Variants in CSMD1 observed in about 807,000 individuals in gnomAD.
CSMD1 encodes the protein CUB and sushi domain-containing protein 1.
Under a neutral mutation model 417.5 loss-of-function variants are expected in CSMD1, and 213 were observed. That is an observed-to-expected ratio of 0.51 (90% CI 0.46 to 0.57). CSMD1 has a LOEUF of 0.57. CSMD1 is among the 20% of genes least tolerant of loss of function. The pLI is 0.00. For missense variants in CSMD1, 6,923 were observed against 4,529.7 expected (o/e 1.53, Z -15.17); for synonymous variants, 2,862 against 1,736.8 (o/e 1.65, Z -16.11).
At chr8:3,724,296 C>A (rs4401889) in intron 6 of CSMD1, among the ~76,000 whole-genome samples, 103,983 of 151,506 alleles carry the variant, frequency 0.69, 36,990 homozygotes, top group South Asian at 0.82. Context: ...GTGCCGCACC[C>A]ACTAACTCGT....
Position 4,331,097 on chromosome 8 carries a change from A to G in CSMD1, c.415+88856T>C, listed in dbSNP as rs138355616. Among the ~76,000 whole-genome samples, 725 of 152,314 alleles carry G rather than the reference A, an allele frequency of 4.8e-3. 2 individuals carry two copies. The highest frequency in any genetic ancestry group is 0.013 in the South Asian group (61 of 4,826). ...CTTATTCTCCAATATGCAACTACAT[A>G]TAATAGCAAAATGAAAATATATTTC... On this transcript the variant is annotated intron_variant, in intron 3 of 69. Transcript: ENST00000635120.
intron 5 of CSMD1, among the ~76,000 whole-genome samples, chr8:3,820,124 A>G (rs902569863): frequency 5.3e-5 from 8 of 152,198 alleles, no homozygotes; most frequent in South Asian, 2.1e-4. Flanking sequence ...TGAATGCAGT[A>G]TGATCTTGAC....
intron 10 of CSMD1, among the ~76,000 whole-genome samples, chr8:3,527,064 C>T (rs1347942555): frequency 6.6e-6 from 1 of 151,968 alleles, no homozygotes; most frequent in Admixed American, 6.6e-5. Context: ...CGGGTCAGTG[C>T]CACGCTGCAA....
intron 3 of CSMD1, among the ~76,000 whole-genome samples, chr8:4,130,224 G>C (rs994164804): frequency 2.0e-5 from 3 of 152,012 alleles, no homozygotes; most frequent in South Asian, 2.1e-4. Flanking sequence ...CTTTCTTCTT[G>C]TCAGTCTAGT....
intron 30 of CSMD1, among the ~76,000 whole-genome samples, chr8:3,208,598 C>G (rs1312288900): frequency 1.3e-5 from 2 of 152,212 alleles, no homozygotes; most frequent in East Asian, 1.9e-4. Flanking sequence ...TGAATGTCAT[C>G]TTGATTGGAT....
chr8:4,993,506 G>A (rs918664067), intron 1 of CSMD1, among the ~76,000 whole-genome samples: 2 of 151,856 alleles, frequency 1.3e-5, no homozygotes, highest in African/African-American at 2.4e-5. Flanking sequence ...AGGCTACTTA[G>A]AAGAAAACAT....
At chr8:4,854,550 G>T (rs951090280) in intron 1 of CSMD1, among the ~76,000 whole-genome samples, 4 of 152,190 alleles carry the variant, frequency 2.6e-5, no homozygotes, top group Admixed American at 1.3e-4. Context: ...AGGTCAGTGG[G>T]TGCGCGCACC....
chr8:4,263,133 T>A (rs978042248), intron 3 of CSMD1, among the ~76,000 whole-genome samples: 16 of 152,150 alleles, frequency 1.1e-4, no homozygotes, highest in African/African-American at 3.9e-4. Flanking sequence ...TATCACTTAT[T>A]TTTTCAAAAA....
intron 5 of CSMD1, among the ~76,000 whole-genome samples, chr8:3,775,853 C>G (rs570628298): frequency 6.6e-6 from 1 of 152,188 alleles, no homozygotes; most frequent in Non-Finnish European, 1.5e-5. Context: ...TGTTACTGAC[C>G]TAGGATGGGT....
intron 18 of CSMD1, among the ~76,000 whole-genome samples, chr8:3,382,867 A>C (rs1215068724): frequency 6.6e-6 from 1 of 152,034 alleles, no homozygotes; most frequent in Non-Finnish European, 1.5e-5. Flanking sequence ...TTTTTCATTT[A>C]CTGTTTCTGG....
chr8:4,284,788 C>G (rs1294829592), intron 3 of CSMD1, among the ~76,000 whole-genome samples: 1 of 152,018 alleles, frequency 6.6e-6, no homozygotes, highest in Non-Finnish European at 1.5e-5. Context: ...TTCCAAAAAC[C>G]ACACATATTT....
chr8:3,235,858 C>T (rs148320021), intron 26 of CSMD1, among the ~76,000 whole-genome samples: 1 of 150,392 alleles, frequency 6.6e-6, no homozygotes, highest in Admixed American at 6.6e-5. Context: ...GTCTAATAAA[C>T]AGAAATACTG....
chr8:3,932,398 A>T (rs868640894), intron 5 of CSMD1, among the ~76,000 whole-genome samples: 1 of 150,496 alleles, frequency 6.6e-6, no homozygotes, highest in Non-Finnish European at 1.5e-5. Context: ...CCTGCAACAT[A>T]TGCCATCTGC....
chr8:4,671,079 C>T (rs1585425308), intron 1 of CSMD1, among the ~76,000 whole-genome samples: 1 of 152,186 alleles, frequency 6.6e-6, no homozygotes, highest in African/African-American at 2.4e-5. Flanking sequence ...AAGCAGAACC[C>T]TGCTGGTTTG....
At chr8:3,589,117 G>C (rs766842964) in intron 8 of CSMD1, among the ~76,000 whole-genome samples, 2 of 152,082 alleles carry the variant, frequency 1.3e-5, no homozygotes, top group Admixed American at 6.6e-5. Context: ...GGGAACCCTT[G>C]TACATTGTTG....
At chr8:4,895,077 T>C (rs1482340711) in intron 1 of CSMD1, among the ~76,000 whole-genome samples, 1 of 152,184 alleles carries the variant, frequency 6.6e-6, no homozygotes, top group Non-Finnish European at 1.5e-5. Context: ...TAAACATGAG[T>C]AAATATGTTT....
chr8:3,106,768 T>C (rs1267083368), intron 45 of CSMD1, 127 bp from the exon 46 acceptor site: 2 of 535,518 alleles, frequency 3.7e-6, no homozygotes, highest in African/African-American at 1.9e-5. Context: ...ACTATGTCTG[T>C]ATTTATTTTT....
intron 1 of CSMD1, among the ~76,000 whole-genome samples, chr8:4,827,342 G>A (rs1326169584): frequency 6.6e-6 from 1 of 152,144 alleles, no homozygotes; most frequent in Non-Finnish European, 1.5e-5. Flanking sequence ...AAGGCTAGAA[G>A]AGCACACTAA....
At chr8:4,822,997 A>C (rs895709298) in intron 1 of CSMD1, among the ~76,000 whole-genome samples, 1 of 152,134 alleles carries the variant, frequency 6.6e-6, no homozygotes, top group East Asian at 1.9e-4. Context: ...TCCAGTAATT[A>C]TTTGTATTTC....
Sources: allele counts gnomAD v4.1 joint callset (sites outside exome capture counted in the v4.1 genomes callset), GRCh38; gene constraint gnomAD v4.1.1; transcripts MANE v1.5; gene names NCBI Gene and HGNC (gene_info 2026-07-23, HGNC 2026-07-21).